The following MYO10 variants were observed in gnomAD, a reference collection of about 807,000 sequenced individuals.
The protein encoded by MYO10 is myosin X.
MYO10 carries 133 observed loss-of-function variants against 257.3 expected under a neutral mutation model. The ratio of observed to expected loss-of-function variants is 0.52; its 90% CI spans 0.45 to 0.60. The LOEUF (loss-of-function observed/expected upper bound fraction) is 0.60. Among genes scored for constraint, MYO10 ranks in the 20% least tolerant of loss-of-function variants. The pLI is 0.00. For synonymous variants in MYO10, 1,104 were observed against 1,028.6 expected (o/e 1.07, Z -1.40); for missense variants, 2,399 against 2,635.7 (o/e 0.91, Z 1.97).
chr5:16,818,284 G>T, intron 2 of MYO10, 117 bp from the exon 3 acceptor site: 1 of 912,072 alleles, frequency 1.1e-6, no homozygotes, highest in East Asian at 2.8e-5. Context: ...ATTCTAAATT[G>T]GACAATCAAA....
intron 2 of MYO10, among the ~76,000 whole-genome samples, chr5:16,837,196 G>C (rs535974498): frequency 6.6e-6 from 1 of 152,076 alleles, no homozygotes; most frequent in Non-Finnish European, 1.5e-5. Context: ...TGTAATCCCA[G>C]CTACTTGGGA....
At chr5:16,787,609 TAAAAAAAA>T (rs70940401) in intron 4 of MYO10, among the ~76,000 whole-genome samples, 2,794 of 124,968 alleles carry the variant, frequency 0.022, 100 homozygotes, top group African/African-American at 0.077. Context: ...TGTTTTGCTT[TAAAAAAAA>T]AAAAAAAAAA....
chr5:16,675,401 A>G (rs1031938759), intron 34 of MYO10, among the ~76,000 whole-genome samples: 4 of 152,184 alleles, frequency 2.6e-5, no homozygotes, highest in African/African-American at 9.7e-5. Context: ...CTGTTGCTGA[A>G]CAAAATCCTT....
intron 19 of MYO10, among the ~76,000 whole-genome samples, chr5:16,717,759 C>T (rs554209253): frequency 1.5e-4 from 23 of 152,278 alleles, no homozygotes; most frequent in African/African-American, 5.3e-4. Flanking sequence ...ACTCCATTTG[C>T]ATCTCATACT....
At chr5:16,787,905 T>A (rs1741637110) in intron 4 of MYO10, among the ~76,000 whole-genome samples, 1 of 152,064 alleles carries the variant, frequency 6.6e-6, no homozygotes, top group Non-Finnish European at 1.5e-5. Context: ...TTCAAGCGAT[T>A]CTCCTGCCTC....
intron 22 of MYO10, among the ~76,000 whole-genome samples, chr5:16,703,880 CAAAAAAA>C (rs55980169): frequency 1.0e-4 from 8 of 76,992 alleles, no homozygotes; most frequent in African/African-American, 3.2e-4. Flanking sequence ...GACTCTGTCT[CAAAAAAA>C]AAAAAAAAAA....
At chr5:16,721,770 C>G (rs997981155) in intron 19 of MYO10, among the ~76,000 whole-genome samples, 3 of 152,160 alleles carry the variant, frequency 2.0e-5, no homozygotes, top group Admixed American at 6.5e-5. Context: ...CGGACCCACA[C>G]AAACCTCAAC....
At chr5:16,738,184 C>A (rs1281343923) in intron 19 of MYO10, 1 of 985,270 alleles carries the variant, frequency 1.0e-6, no homozygotes, top group Non-Finnish European at 1.2e-6. Context: ...TGGAGCCCAG[C>A]GAGTGAGAAA....
intron 1 of MYO10, among the ~76,000 whole-genome samples, chr5:16,899,992 T>A (rs1745330509): frequency 1.2e-5 from 1 of 83,080 alleles, no homozygotes; most frequent in African/African-American, 5.0e-5. Flanking sequence ...AGCAAGATGC[T>A]GTCTCAAAAA....
chr5:16,687,106 G>C (rs569025790), intron 28 of MYO10, among the ~76,000 whole-genome samples: 1 of 151,892 alleles, frequency 6.6e-6, no homozygotes, highest in Admixed American at 6.5e-5. Context: ...AGGATGGCTT[G>C]AGCCCAGGAA....
At chr5:16,853,665 G>A (rs1382974706) in intron 2 of MYO10, among the ~76,000 whole-genome samples, 1 of 152,158 alleles carries the variant, frequency 6.6e-6, no homozygotes, top group Admixed American at 6.5e-5. Flanking sequence ...GTCAAAGGCT[G>A]TCACCCCATC....
chr5:16,716,822 T>C (rs1738895718), intron 19 of MYO10, among the ~76,000 whole-genome samples: 1 of 151,986 alleles, frequency 6.6e-6, no homozygotes, highest in African/African-American at 2.4e-5. Context: ...AAATGACTTG[T>C]TCAAACCGGT....
Position 16,901,782 on chromosome 5 carries a change from G to A in MYO10, c.22-24075C>T, listed in dbSNP as rs77117684. ...CCTCTGTGCTACCCCAGTGCAGAGC[G>A]GCCTGTCGTTTTCTAGATGCAGAGA... On this transcript the variant is annotated intron_variant, in intron 1 of 40. Transcript: ENST00000513610. 8.2e-4 allele frequency among the ~76,000 whole-genome samples: 125 copies of A among 152,236 alleles called. No homozygotes were observed. The East Asian group carries it at 0.02, about 25-fold the overall frequency.
chr5:16,925,046 T>C (rs900693862), intron 1 of MYO10, among the ~76,000 whole-genome samples: 5 of 152,104 alleles, frequency 3.3e-5, no homozygotes, highest in African/African-American at 9.7e-5. Flanking sequence ...TTAGTCAGGA[T>C]GGTCTCGATC....
chr5:16,792,984 A>G (rs1205603703), intron 4 of MYO10, among the ~76,000 whole-genome samples: 1 of 152,184 alleles, frequency 6.6e-6, no homozygotes, highest in African/African-American at 2.4e-5. Flanking sequence ...TGAGGACGAG[A>G]GCCAAGTTGC....
At chr5:16,740,845 A>G (rs751363790) in intron 19 of MYO10, among the ~76,000 whole-genome samples, 9 of 152,020 alleles carry the variant, frequency 5.9e-5, no homozygotes, top group East Asian at 1.9e-4. Flanking sequence ...TATGAGGGTA[A>G]TAAGTGTGTG....
intron 32 of MYO10, 110 bp downstream of exon 32, chr5:16,681,199 T>A (rs955282409): frequency 8.2e-7 from 1 of 1,217,620 alleles, no homozygotes; most frequent in Admixed American, 2.8e-5. Flanking sequence ...GAGGACAACT[T>A]CTTTGGGGGG....
chr5:16,708,344 A>G (rs1219516194), intron 21 of MYO10, among the ~76,000 whole-genome samples: 1 of 152,154 alleles, frequency 6.6e-6, no homozygotes, highest in African/African-American at 2.4e-5. Flanking sequence ...TTATCTTCCA[A>G]CACAGTAAAC....
intron 9 of MYO10, among the ~76,000 whole-genome samples, chr5:16,772,688 T>C (rs1185455005): frequency 6.6e-6 from 1 of 152,122 alleles, no homozygotes; most frequent in Admixed American, 6.6e-5. Flanking sequence ...ATAAATACTT[T>C]TACAACAAAA....
Sources: allele counts gnomAD v4.1 joint callset (sites outside exome capture counted in the v4.1 genomes callset), GRCh38; gene constraint gnomAD v4.1.1; transcripts MANE v1.5; gene names NCBI Gene and HGNC (gene_info 2026-07-23, HGNC 2026-07-21).